Variants in SNX32 observed in about 807,000 individuals in gnomAD.
SNX32 encodes the protein sorting nexin 32.
A neutral mutation model predicts 57.0 loss-of-function variants in SNX32; 58 were observed. The observed-to-expected ratio is 1.02, with a 90% confidence interval of 0.82 to 1.27. SNX32 has a LOEUF of 1.27. Ranked by LOEUF, SNX32 falls within the 50% of genes most tolerant of loss-of-function variation. SNX32 has a pLI of 0.00. For missense variants in SNX32, 589 were observed against 541.2 expected (o/e 1.09, Z -0.88); for synonymous variants, 262 against 220.4 (o/e 1.19, Z -1.67).
At chr11:65,841,561 G>T (rs936322957) in intron 1 of SNX32, among the ~76,000 whole-genome samples, 2 of 151,946 alleles carry the variant, frequency 1.3e-5, no homozygotes, top group African/African-American at 4.8e-5. Flanking sequence ...TATACAATTA[G>T]AAGATGAAAC....
intron 1 of SNX32, among the ~76,000 whole-genome samples, chr11:65,846,089 T>C (rs1858985534): frequency 6.6e-6 from 1 of 150,732 alleles, no homozygotes; most frequent in African/African-American, 2.4e-5. Flanking sequence ...CTGGCCAACA[T>C]GGTGAAACCC....
At chr11:65,840,264 C>T (rs890830141) in intron 1 of SNX32, among the ~76,000 whole-genome samples, 16 of 152,098 alleles carry the variant, frequency 1.1e-4, no homozygotes, top group African/African-American at 3.6e-4. Flanking sequence ...TTAGGGATAG[C>T]GGGGAGCTCC....
intron 1 of SNX32, among the ~76,000 whole-genome samples, chr11:65,840,921 T>C (rs1236662062): frequency 2.0e-5 from 3 of 152,008 alleles, no homozygotes; most frequent in Non-Finnish European, 4.4e-5. Flanking sequence ...TATATAAAAA[T>C]CTATTATGGT....
rs1859248948 is a variant in SNX32 at position 65,852,751 on chromosome 11, G to A, written c.1034G>A (p.Cys345Tyr). ...GCCGAGAGCCACCAGCAGCTGTGCT[G>A]CCAACGCTTCGAGCGCCTCTCCGAC... Reference protein sequence around the residue: ...RPAESHQQLCCQRFERLSDSA... With the variant: ...RPAESHQQLCYQRFERLSDSA... Residue 345 changes from cysteine (C) to tyrosine (Y), a missense_variant, in exon 11 of 13, where the codon TGC becomes TAC. Cys to Tyr is a radical substitution (Grantham distance 194). Transcript: ENST00000308342. 1 of 1,608,054 alleles carries A rather than the reference G, an allele frequency of 6.2e-7. No homozygotes were observed. Among genetic ancestry groups the A allele is most frequent in the Non-Finnish European group, 8.5e-7 (1 of 1,178,830 alleles).
rs1419572997 is a variant in SNX32 at position 65,850,758 on chromosome 11, T to G, written c.506T>G (p.Val169Gly). The change falls in exon 6 of 13, where the codon GTC becomes GGC. Residue 169 changes from valine to glycine, a missense_variant. Coordinates refer to ENST00000308342, the MANE Select transcript of SNX32 (RefSeq NM_152760.3). ...CCTCCCTGTGTGCCTCAGCTGAGTG[T>G]CCGGGGGAAGAACAGGAAGGAGCTC... Reference protein sequence around the residue: ...VFLEYGQDLSVRGKNRKELLG... With the variant: ...VFLEYGQDLSGRGKNRKELLG... 9.3e-6 allele frequency: 15 copies of G among 1,613,824 alleles called. No homozygotes were observed. Among genetic ancestry groups the G allele is most frequent in the Non-Finnish European group, 1.1e-5 (13 of 1,179,950 alleles).
intron 1 of SNX32, among the ~76,000 whole-genome samples, chr11:65,836,380 TA>T (rs1229991143): frequency 1.3e-5 from 2 of 151,886 alleles, no homozygotes; most frequent in Admixed American, 6.6e-5. Context: ...CCATCTCTAC[TA>T]AAAATACAAA....
Position 65,851,351 on chromosome 11 carries a change from A to G in SNX32, c.733A>G (p.Ile245Val), listed in dbSNP as rs1490148057. The G allele has an allele frequency of 1.9e-6, 3 of 1,614,106 alleles. No individual in the cohort carries two copies. The highest frequency in any genetic ancestry group is 1.7e-5 in the Admixed American group (1 of 60,016). The change falls in exon 8 of 13, where the codon ATC becomes GTC. Residue 245 changes from isoleucine to valine, a missense_variant. Transcript: ENST00000308342. ...HKCLADDYIP[I>V]SAALSSLGTQ... ...AGGCCTGGCAGACGATTATATCCCTATCTCAGCTGCGCTGAGCAGTCTGGG... is the reference window on the plus strand; with the variant it reads ...AGGCCTGGCAGACGATTATATCCCTGTCTCAGCTGCGCTGAGCAGTCTGGG...
At position 65,851,514 on chromosome 11, in the gene SNX32, T is replaced by G; in HGVS notation, c.785+111T>G. ...TCAGCTCTAGGTGGGAGGTGTAGGCTCTCCTGTTGGGGGATGGTGTTGGGA... is the reference window on the plus strand; with the variant it reads ...TCAGCTCTAGGTGGGAGGTGTAGGCGCTCCTGTTGGGGGATGGTGTTGGGA... On this transcript the variant is annotated intron_variant, in intron 8 of 12. Transcript: ENST00000308342. The G allele has an allele frequency of 2.6e-6, 4 of 1,509,628 alleles. No individual in the cohort carries two copies. The South Asian group carries it at 3.4e-5, about 13-fold the overall frequency. The allele number at this position is 1,509,628 out of a possible 1,614,324, so 93.5% of individuals were successfully genotyped here.
chr11:65,851,200 C>G, intron 7 of SNX32, 40 bp downstream of exon 7: 1 of 1,603,112 alleles, frequency 6.2e-7, no homozygotes, highest in Non-Finnish European at 8.5e-7. Context: ...CCCTGCCCCT[C>G]TCCCCAGCGG....
Position 65,850,494 on chromosome 11 carries a change from G to A in SNX32, c.438G>A (p.Ala146=), listed in dbSNP as rs770349798. The A allele has an allele frequency of 8.1e-6, 13 of 1,613,964 alleles. No homozygotes were observed. Among genetic ancestry groups the A allele is most frequent in the Non-Finnish European group, 1.0e-5 (12 of 1,179,964 alleles). Reference sequence around the variant, plus strand: ...ACGAAGTCTTTCTGCAGCGCCTGGCGGCCCACCCCACCCTGCGTCGAGACC... The same window carrying A: ...ACGAAGTCTTTCTGCAGCGCCTGGCAGCCCACCCCACCCTGCGTCGAGACC... The part of the protein sequence containing the change: ...AMHEVFLQRL[A]AHPTLRRDHN... The change falls in exon 5 of 13, where the codon GCG becomes GCA. Residue 146 remains alanine, a synonymous_variant. Coordinates refer to ENST00000308342, the MANE Select transcript of SNX32 (RefSeq NM_152760.3).
At chr11:65,853,030 AG>A in intron 12 of SNX32, 72 bp downstream of exon 12, 4 of 1,511,896 alleles carry the variant, frequency 2.6e-6, no homozygotes, top group Non-Finnish European at 3.7e-6. Context: ...CCCAGGCACC[AG>A]GGTGTGCGTG....
intron 8 of SNX32, 55 bp from the exon 9 acceptor site, chr11:65,851,585 G>A: frequency 1.9e-6 from 3 of 1,598,076 alleles, no homozygotes; most frequent in South Asian, 1.1e-5. Flanking sequence ...GAGACAGAGA[G>A]GCTTTGAGCT....
intron 1 of SNX32, among the ~76,000 whole-genome samples, chr11:65,838,547 T>G (rs1858734743): frequency 6.6e-6 from 1 of 152,056 alleles, no homozygotes; most frequent in South Asian, 2.1e-4. Context: ...CTAACACAAT[T>G]CTCAACAACT....
At chr11:65,843,082 G>A (rs1365320322) in intron 1 of SNX32, among the ~76,000 whole-genome samples, 2 of 150,908 alleles carry the variant, frequency 1.3e-5, no homozygotes, top group Non-Finnish European at 3.0e-5. Flanking sequence ...AAATTAGCTG[G>A]GCGTGGTGGG....
intron 9 of SNX32, among the ~76,000 whole-genome samples, chr11:65,851,911 A>T (rs1342017349): frequency 2.0e-5 from 3 of 152,144 alleles, no homozygotes; most frequent in African/African-American, 7.2e-5. Context: ...GCACGTGTGC[A>T]GCAGCGGAGG....
intron 1 of SNX32, among the ~76,000 whole-genome samples, chr11:65,840,039 C>T (rs1858798697): frequency 6.6e-6 from 1 of 151,984 alleles, no homozygotes; most frequent in South Asian, 2.1e-4. Flanking sequence ...CCTGTAATCC[C>T]AGCTACTCAG....
At position 65,851,139 on chromosome 11, in the gene SNX32, C is replaced by A. The variant is rs766924483; in HGVS notation, c.688C>A (p.Arg230Ser). The change falls in exon 7 of 13, where the codon CGC (arginine) becomes AGC (serine). Residue 230 changes from arginine (R) to serine (S), a missense_variant. Coordinates refer to ENST00000308342, the MANE Select transcript of SNX32 (RefSeq NM_152760.3). ...RIRDACLRADRVMRAHKCLAD... is the reference protein window; with the variant it reads ...RIRDACLRADSVMRAHKCLAD... ...CCGAGATGCCTGCCTGCGGGCCGAC[C>A]GCGTCATGCGCGCCCACAAGTGTAC... The A allele has an allele frequency of 1.2e-6, 2 of 1,612,710 alleles. No individual in the cohort carries two copies. The highest frequency in any genetic ancestry group is 1.3e-5 in the African/African-American group (1 of 74,934).
chr11:65,836,370 C>A (rs1361468488), intron 1 of SNX32, among the ~76,000 whole-genome samples: 1 of 151,944 alleles, frequency 6.6e-6, no homozygotes, highest in Admixed American at 6.6e-5. Context: ...TGGTGAAACC[C>A]CATCTCTACT....
intron 4 of SNX32, 59 bp downstream of exon 4, chr11:65,850,330 T>G: frequency 1.2e-6 from 2 of 1,613,500 alleles, no homozygotes; most frequent in Non-Finnish European, 1.7e-6. Flanking sequence ...CCCAGCTATC[T>G]CCCCATGAAT....
Sources: gnomAD v4.1 joint callset for allele counts (sites outside exome capture counted in the v4.1 genomes callset) on GRCh38, gnomAD v4.1.1 for gene constraint, MANE v1.5 for transcripts, NCBI Gene and HGNC (gene_info 2026-07-23, HGNC 2026-07-21) for gene names.